Variants in SLC49A4 observed in about 807,000 individuals in gnomAD.
SLC49A4 encodes the protein disrupted in renal cancer protein 2.
SLC49A4 carries 36 observed loss-of-function variants against 50.6 expected under a neutral mutation model. The ratio of observed to expected loss-of-function variants is 0.71; its 90% CI spans 0.55 to 0.94. The LOEUF is 0.94. Among genes scored for constraint, SLC49A4 ranks in the 40% least tolerant of loss-of-function variants. The probability of loss-of-function intolerance (pLI) is 0.00; values close to 1 mark genes in which losing one functional copy is unlikely to be tolerated. For missense variants in SLC49A4, 503 were observed against 605.7 expected (o/e 0.83, Z 1.78); for synonymous variants, 248 against 241.2 (o/e 1.03, Z -0.26).
intron 8 of SLC49A4, among the ~76,000 whole-genome samples, chr3:122,873,004 TA>T (rs566114878): frequency 2.0e-5 from 3 of 152,214 alleles, no homozygotes; most frequent in African/African-American, 7.2e-5. Flanking sequence ...AAATTAATGT[TA>T]GGGGTGTATA....
At chr3:122,816,434 A>C (rs925703711) in intron 2 of SLC49A4, among the ~76,000 whole-genome samples, 2 of 152,144 alleles carry the variant, frequency 1.3e-5, no homozygotes, top group Non-Finnish European at 2.9e-5. Flanking sequence ...AGGTCATCAC[A>C]AGCAGTGGTA....
rs961208094 is a variant in SLC49A4, at chr3:122,880,696, T to C, written c.*1318T>C. 2 of 152,274 alleles carry C rather than the reference T, an allele frequency of 1.3e-5. No homozygotes were observed. Among genetic ancestry groups the C allele is most frequent in the African/African-American group, 4.8e-5 (2 of 41,456 alleles). The allele number at this position is 152,274 out of a possible 1,614,324, so 9.4% of individuals were successfully genotyped here. On this transcript the variant is annotated 3_prime_UTR_variant, in exon 9 of 9. Transcript: ENST00000261038. ...CATTGTCAGCTAAGTATATATACTT[T>C]TGTGTTTTCCTGGACAGAGTGCAAG...
At chr3:122,868,425 C>G (rs533579073) in intron 7 of SLC49A4, among the ~76,000 whole-genome samples, 1 of 152,244 alleles carries the variant, frequency 6.6e-6, no homozygotes, top group African/African-American at 2.4e-5. Flanking sequence ...ATTTTAGTAT[C>G]AGTATTATAC....
At chr3:122,817,505 G>A (rs1466594798) in intron 2 of SLC49A4, among the ~76,000 whole-genome samples, 1 of 152,112 alleles carries the variant, frequency 6.6e-6, no homozygotes, top group Non-Finnish European at 1.5e-5. Context: ...TGTTATAGCA[G>A]GACTAGGAAA....
chr3:122,870,634 C>T (rs1441225259), intron 7 of SLC49A4, among the ~76,000 whole-genome samples: 1 of 150,480 alleles, frequency 6.6e-6, no homozygotes, highest in African/African-American at 2.4e-5. Context: ...CATGGTGAAA[C>T]CCTGTCTCTA....
intron 5 of SLC49A4, among the ~76,000 whole-genome samples, chr3:122,853,252 A>G (rs1235822666): frequency 1.3e-5 from 2 of 152,142 alleles, no homozygotes; most frequent in Non-Finnish European, 2.9e-5. Flanking sequence ...TCATCCCTTA[A>G]TTACTTCCTA....
intron 4 of SLC49A4, among the ~76,000 whole-genome samples, chr3:122,834,990 G>A: frequency 6.6e-6 from 1 of 152,078 alleles, no homozygotes; most frequent in Non-Finnish European, 1.5e-5. Context: ...AACCCTCCTA[G>A]ATTAAATCAG....
intron 2 of SLC49A4, among the ~76,000 whole-genome samples, chr3:122,810,912 C>G (rs1436965270): frequency 6.6e-6 from 1 of 152,188 alleles, no homozygotes; most frequent in Non-Finnish European, 1.5e-5. Flanking sequence ...CTAGATCCCT[C>G]CCTTACCACT....
At position 122,795,492 on chromosome 3, in the gene SLC49A4, C is replaced by T; in HGVS notation, c.300C>T (p.Gly100=). 1 of 1,604,072 alleles carries T rather than the reference C, an allele frequency of 6.2e-7. No individual in the cohort carries two copies. Among genetic ancestry groups the T allele is most frequent in the Non-Finnish European group, 8.5e-7 (1 of 1,178,762 alleles). The change falls in exon 1 of 9, where the codon GGC becomes GGT. Residue 100 remains glycine (G), a synonymous_variant. Coordinates refer to ENST00000261038, the MANE Select transcript of SLC49A4 (RefSeq NM_032839.3). ...IALLVLWGPI[G]FLPCFAFMWL... ...TGCTCGTGCTGTGGGGGCCCATCGG[C>T]TTCCTGCCCTGCTTCGCGTTCATGT...
At chr3:122,800,310 C>G (rs754718878) in intron 1 of SLC49A4, among the ~76,000 whole-genome samples, 1 of 152,058 alleles carries the variant, frequency 6.6e-6, no homozygotes, top group African/African-American at 2.4e-5. Context: ...TTAGCAACAT[C>G]GAGATCTTTT....
At chr3:122,858,157 A>G (rs138215434) in intron 6 of SLC49A4, among the ~76,000 whole-genome samples, 1 of 152,340 alleles carries the variant, frequency 6.6e-6, no homozygotes, top group East Asian at 1.9e-4. Context: ...AAAGACCACT[A>G]TTAAAGATAC....
At position 122,854,422 on chromosome 3, in the gene SLC49A4, G is replaced by A. The variant is rs116443119; in HGVS notation, c.943-1885G>A. Among the ~76,000 whole-genome samples the A allele has an allele frequency of 8.1e-3, 1,238 of 152,346 alleles. 9 individuals are homozygous for A. The highest frequency in any genetic ancestry group is 0.026 in the African/African-American group (1,081 of 41,572). Reference sequence around the variant, plus strand: ...CATTCACATTGCAATCTGGGACAGCGTGTGTAATCTAGGACAGTTGTCCAG... The same window carrying A: ...CATTCACATTGCAATCTGGGACAGCATGTGTAATCTAGGACAGTTGTCCAG... On this transcript the variant is annotated intron_variant, in intron 5 of 8. Transcript: ENST00000261038.
chr3:122,842,437 G>C, intron 4 of SLC49A4, among the ~76,000 whole-genome samples: 1 of 121,910 alleles, frequency 8.2e-6, no homozygotes, highest in Admixed American at 1.1e-4. Flanking sequence ...AGTGAGCCGA[G>C]ATCGCGCCAC....
rs184310960 is a variant in SLC49A4 at position 122,834,151 on chromosome 3, G to T, written c.833+705G>T. Among the ~76,000 whole-genome samples the T allele has an allele frequency of 7.2e-5, 11 of 152,136 alleles. No individual in the cohort carries two copies. In the East Asian group the frequency reaches 2.1e-3, roughly 29 times the overall value. ...CAGGTAGTTGTTATGAGTTTTTATT[G>T]ATTCTTCAACAACTCTCTCTAAATT... On this transcript the variant is annotated intron_variant, in intron 4 of 8. Transcript: ENST00000261038.
At position 122,879,351 on chromosome 3, in the gene SLC49A4, C is replaced by CT; in HGVS notation, c.1411dup (p.Tyr471LeufsTer3). On this transcript the variant is annotated frameshift_variant, in exon 9 of 9. Transcript: ENST00000261038. LOFTEE classifies it high-confidence loss of function. Reference sequence around the variant, plus strand: ...GCTTCAGGGAATCCTATGACAGACTCTATCTTGATGTGGTTGTCTCCGTTT... The same window carrying CT: ...GCTTCAGGGAATCCTATGACAGACTCTTATCTTGATGTGGTTGTCTCCGTTT... 1.2e-6 allele frequency: 2 copies of CT among 1,613,870 alleles called. No homozygotes were observed. The highest frequency in any genetic ancestry group is 1.7e-6 in the Non-Finnish European group (2 of 1,179,844).
chr3:122,854,989 A>G (rs1423917776), intron 5 of SLC49A4, among the ~76,000 whole-genome samples: 2 of 152,074 alleles, frequency 1.3e-5, no homozygotes, highest in Non-Finnish European at 2.9e-5. Flanking sequence ...GCTACTCAGG[A>G]GGCTGAGGCA....
chr3:122,798,338 G>A (rs552954946), intron 1 of SLC49A4, among the ~76,000 whole-genome samples: 2 of 152,102 alleles, frequency 1.3e-5, no homozygotes, highest in South Asian at 2.1e-4. Flanking sequence ...TATTATAATT[G>A]TACCTACTAT....
At chr3:122,813,668 G>A (rs182073132) in intron 2 of SLC49A4, among the ~76,000 whole-genome samples, 5 of 151,964 alleles carry the variant, frequency 3.3e-5, no homozygotes, top group South Asian at 2.1e-4. Context: ...TTTCTTTTCC[G>A]CTTAATACCA....
intron 7 of SLC49A4, among the ~76,000 whole-genome samples, chr3:122,870,537 G>A (rs1025455370): frequency 4.6e-5 from 7 of 151,354 alleles, no homozygotes; most frequent in Non-Finnish European, 8.8e-5. Flanking sequence ...GGTCAGGTGC[G>A]GTGGCTCACA....
Sources: gnomAD v4.1 joint callset for allele counts (sites outside exome capture counted in the v4.1 genomes callset) on GRCh38, gnomAD v4.1.1 for gene constraint, MANE v1.5 for transcripts, NCBI Gene and HGNC (gene_info 2026-07-23, HGNC 2026-07-21) for gene names.